Variants in POU2AF2 observed in about 807,000 individuals in gnomAD.
POU2AF2 encodes the protein POU class 2 homeobox associating factor 2.
chr11:111,252,634 A>G, the POU2AF2 span, among the ~76,000 whole-genome samples: 7 of 151,720 alleles, frequency 4.6e-5, no homozygotes, highest in African/African-American at 1.2e-4. Flanking sequence ...TTGAGGGTCA[A>G]TTTGTGCCCT....
the POU2AF2 span, among the ~76,000 whole-genome samples, chr11:111,252,125 A>G: frequency 6.6e-6 from 1 of 152,118 alleles, no homozygotes; most frequent in Non-Finnish European, 1.5e-5. Flanking sequence ...TCCAGCCTGG[A>G]CCTCCTCAAT....
the POU2AF2 span, among the ~76,000 whole-genome samples, chr11:111,271,198 C>G: frequency 2.0e-5 from 3 of 151,952 alleles, no homozygotes; most frequent in African/African-American, 7.3e-5. Flanking sequence ...TGGCAGATGC[C>G]TGTAATTCCA....
chr11:111,273,368 T>C, the POU2AF2 span, among the ~76,000 whole-genome samples: 97 of 152,298 alleles, frequency 6.4e-4, 3 homozygotes, highest in Middle Eastern at 0.017. Flanking sequence ...AATGTAGACA[T>C]TAAAATGTGG....
At chr11:111,273,085 T>C in the POU2AF2 span, among the ~76,000 whole-genome samples, 2 of 152,234 alleles carry the variant, frequency 1.3e-5, no homozygotes, top group East Asian at 3.8e-4. Context: ...AAAACCTGTT[T>C]CAAACTTTTC....
chr11:111,281,778 G>A, the POU2AF2 span, among the ~76,000 whole-genome samples: 1 of 152,196 alleles, frequency 6.6e-6, no homozygotes, highest in Non-Finnish European at 1.5e-5. Flanking sequence ...AGCCGTCTGC[G>A]AGCAGAGGGA....
At chr11:111,283,944 C>T in the POU2AF2 span, 3 of 797,470 alleles carry the variant, frequency 3.8e-6, no homozygotes, top group Non-Finnish European at 6.2e-6. Flanking sequence ...AGACATTTCT[C>T]TATTTCCATG....
the POU2AF2 span, among the ~76,000 whole-genome samples, chr11:111,259,040 G>C: frequency 0.088 from 13,343 of 152,156 alleles, 749 homozygotes; most frequent in Middle Eastern, 0.18. Flanking sequence ...AAAAATACAA[G>C]AACTTAGCAA....
At chr11:111,264,561 AAAGAAAGAAAGAAAGG>A in the POU2AF2 span, among the ~76,000 whole-genome samples, 4,121 of 57,876 alleles carry the variant, frequency 0.071, 527 homozygotes, top group Middle Eastern at 0.12. Flanking sequence ...AGAAAGAAAG[AAAGAAAGAAAGAAAGG>A]GAGAGAGAAA....
chr11:111,252,728 C>G, the POU2AF2 span, among the ~76,000 whole-genome samples: 3 of 151,946 alleles, frequency 2.0e-5, no homozygotes, highest in Non-Finnish European at 4.4e-5. Context: ...TCCCTCTGTC[C>G]TCTTCAAATA....
At chr11:111,259,180 C>T in the POU2AF2 span, among the ~76,000 whole-genome samples, 2 of 152,134 alleles carry the variant, frequency 1.3e-5, no homozygotes, top group Non-Finnish European at 2.9e-5. Context: ...TTGATAGACA[C>T]ACTAACCCCG....
At chr11:111,286,008 A>T in the POU2AF2 span, 3 of 1,613,744 alleles carry the variant, frequency 1.9e-6, no homozygotes, top group Non-Finnish European at 2.5e-6. Context: ...GTGAAAGAAG[A>T]TGGGAGTATT....
chr11:111,255,864 G>A, the POU2AF2 span: 2 of 396,238 alleles, frequency 5.0e-6, no homozygotes, highest in African/African-American at 4.1e-5. Flanking sequence ...TCAAATCCAG[G>A]AATTCTATCA....
the POU2AF2 span, among the ~76,000 whole-genome samples, chr11:111,265,996 A>C: frequency 6.6e-6 from 1 of 152,150 alleles, no homozygotes; most frequent in South Asian, 2.1e-4. Flanking sequence ...TCATTAAGAT[A>C]ATTTCAACTG....
the POU2AF2 span, among the ~76,000 whole-genome samples, chr11:111,267,460 A>C: frequency 1.3e-5 from 2 of 151,976 alleles, no homozygotes; most frequent in Non-Finnish European, 2.9e-5. Flanking sequence ...CACATGACCC[A>C]TTTCTCTCTG....
the POU2AF2 span, among the ~76,000 whole-genome samples, chr11:111,273,942 A>G: frequency 6.6e-6 from 1 of 152,214 alleles, no homozygotes; most frequent in African/African-American, 2.4e-5. Context: ...ATGCAAAATA[A>G]AAATTATATA....
At chr11:111,246,636 G>A in the POU2AF2 span, among the ~76,000 whole-genome samples, 5 of 152,136 alleles carry the variant, frequency 3.3e-5, no homozygotes, top group Non-Finnish European at 7.4e-5. Flanking sequence ...AGAGCTCTAA[G>A]AGCATCTATC....
At chr11:111,285,599 A>G in the POU2AF2 span, 6 of 1,560,140 alleles carry the variant, frequency 3.8e-6, no homozygotes, top group Non-Finnish European at 5.2e-6. Flanking sequence ...CACACAATGT[A>G]TCATCAGAGT....
chr11:111,266,873 C>T, the POU2AF2 span, among the ~76,000 whole-genome samples: 22 of 152,296 alleles, frequency 1.4e-4, no homozygotes, highest in African/African-American at 4.8e-4. Flanking sequence ...TCACTTCACC[C>T]ACCCTATTGC....
chr11:111,261,487 C>T, the POU2AF2 span, among the ~76,000 whole-genome samples: 9,904 of 152,152 alleles, frequency 0.065, 460 homozygotes, highest in Middle Eastern at 0.16. Context: ...GATTTTCAGA[C>T]CATTGTTCCT....
Sources: allele counts gnomAD v4.1 joint callset (sites outside exome capture counted in the v4.1 genomes callset), GRCh38; gene constraint gnomAD v4.1.1; transcripts MANE v1.5; gene names NCBI Gene and HGNC (gene_info 2026-07-23, HGNC 2026-07-21).